Variants in UNC5A observed in about 807,000 individuals in gnomAD.
The protein encoded by UNC5A is netrin receptor UNC5A.
Under a neutral mutation model 87.4 loss-of-function variants are expected in UNC5A, and 20 were observed. That is an observed-to-expected ratio of 0.23 (90% CI 0.16 to 0.33). The LOEUF is 0.33. Ranked by LOEUF, UNC5A falls within the 10% of genes least tolerant of loss-of-function variation. UNC5A has a pLI of 1.00. For synonymous variants in UNC5A, 438 were observed against 482.3 expected (o/e 0.91, Z 1.20); for missense variants, 844 against 1,133.4 (o/e 0.74, Z 3.67).
At chr5:176,850,682 C>T (rs905052686) in intron 1 of UNC5A, among the ~76,000 whole-genome samples, 7 of 152,200 alleles carry the variant, frequency 4.6e-5, no homozygotes, top group African/African-American at 1.7e-4. Context: ...CTGGCCTCTG[C>T]TGTCGCCCTG....
rs945160498 is a variant in UNC5A, at chr5:176,838,276, C to A, written c.71-24348C>A. ...GGTATTTTAGGATTTTAGGAAGCCA[C>A]TCCCCTGCTAAAAAGCCTGTGATGG... is the stretch of plus-strand genomic sequence containing the variant. On this transcript the variant is annotated intron_variant, in intron 1 of 14. Coordinates refer to ENST00000329542, the MANE Select transcript of UNC5A (RefSeq NM_133369.3). This position sits in a 1 kb window ranked among gnomAD's most constrained non-coding sequence, Gnocchi z 4.2. Among the ~76,000 whole-genome samples, 5 of 152,210 alleles carry A rather than the reference C, an allele frequency of 3.3e-5. No individual in the cohort carries two copies. The highest frequency in any genetic ancestry group is 7.3e-5 in the Non-Finnish European group (5 of 68,044).
chr5:176,844,172 C>T lies in UNC5A; in HGVS notation c.71-18452C>T, dbSNP rs906207148. Among the ~76,000 whole-genome samples the T allele has an allele frequency of 6.6e-6, 1 of 152,162 alleles. No individual in the cohort carries two copies. The stretch of plus-strand genomic sequence containing the variant: ...ATAAAAGCTGTGACTAAACTCAGGT[C>T]CATGCTGATTGTAGCGTCTCAGGGG... On this transcript the variant is annotated intron_variant, in intron 1 of 14. Coordinates refer to ENST00000329542, the MANE Select transcript of UNC5A (RefSeq NM_133369.3). The surrounding 1 kb of genome is among the most constrained non-coding windows in gnomAD (Gnocchi z 4.2).
At position 176,873,951 on chromosome 5, in the gene UNC5A, C is replaced by T; in HGVS notation, c.887-17C>T. ...CCTACACCCCTGCCCCCACCAAGGC[C>T]ATGCTGTCTCCCGCAGCTGCTTCTG... On this transcript the variant is annotated splice_polypyrimidine_tract_variant and intron_variant, in intron 6 of 14. Transcript: ENST00000329542. 2 of 1,609,804 alleles carry T rather than the reference C, an allele frequency of 1.2e-6. No homozygotes were observed. Among genetic ancestry groups the T allele is most frequent in the East Asian group, 2.2e-5 (1 of 44,806 alleles).
rs777896574 is a variant in UNC5A, at chr5:176,878,354, C to T, written c.1980C>T (p.Pro660=). 7 of 1,613,554 alleles carry T rather than the reference C, an allele frequency of 4.3e-6. No individual in the cohort carries two copies. Among genetic ancestry groups the T allele is most frequent in the Non-Finnish European group, 5.9e-6 (7 of 1,180,038 alleles). The change falls in exon 12 of 15, where the codon CCC becomes CCT. Residue 660 remains proline (P), a synonymous_variant. Transcript: ENST00000329542. ...TGCGCCTATCCATCCACGATGTGCC[C>T]AGCTCCCTGTGGAAGAGTAAGCTCC... ...HNLRLSIHDV[P]SSLWKSKLLV...
Position 176,878,165 on chromosome 5 carries a change from G to A in UNC5A, c.1869+38G>A, listed in dbSNP as rs112876204. ...CCTCACCCCCCGCCGCTGGGAGGCC[G>A]AGCTATGCCTGGCCCTGTGGACTGC... is the stretch of plus-strand genomic sequence containing the variant. On this transcript the variant is annotated intron_variant, in intron 11 of 14. Coordinates refer to ENST00000329542, the MANE Select transcript of UNC5A (RefSeq NM_133369.3). 75 of 1,603,940 alleles carry A rather than the reference G, an allele frequency of 4.7e-5. 2 individuals carry two copies. The highest frequency in any genetic ancestry group is 2.7e-4 in the African/African-American group (20 of 74,998).
At chr5:176,863,146 C>T (rs1377925754) in intron 2 of UNC5A, among the ~76,000 whole-genome samples, 4 of 152,270 alleles carry the variant, frequency 2.6e-5, no homozygotes, top group African/African-American at 9.6e-5. Flanking sequence ...CCGCCACCCT[C>T]GGAGCCCAAG....
At chr5:176,855,145 C>G (rs1339778482) in intron 1 of UNC5A, among the ~76,000 whole-genome samples, 1 of 152,262 alleles carries the variant, frequency 6.6e-6, no homozygotes, top group African/African-American at 2.4e-5. Context: ...GAGCTGGCCT[C>G]TCCCTTGCAC....
intron 1 of UNC5A, among the ~76,000 whole-genome samples, chr5:176,846,250 G>C (rs942783205): frequency 1.3e-5 from 2 of 152,132 alleles, no homozygotes; most frequent in Admixed American, 1.3e-4. Context: ...AGCCCTGGAG[G>C]CTGAGCCAAA....
intron 1 of UNC5A, among the ~76,000 whole-genome samples, chr5:176,854,407 G>A (rs943934264): frequency 2.6e-5 from 4 of 152,132 alleles, no homozygotes; most frequent in African/African-American, 9.7e-5. Context: ...AACTCATGCC[G>A]CCATCTCAGG....
chr5:176,817,508 A>T (rs571610188), intron 1 of UNC5A, among the ~76,000 whole-genome samples: 37 of 152,220 alleles, frequency 2.4e-4, no homozygotes, highest in African/African-American at 8.9e-4. Context: ...GCAGGGACCC[A>T]GTGGAGCCGA....
intron 1 of UNC5A, among the ~76,000 whole-genome samples, chr5:176,846,918 A>G (rs1473713378): frequency 2.0e-5 from 3 of 152,144 alleles, no homozygotes; most frequent in African/African-American, 7.2e-5. Context: ...GCTGGAGCGC[A>G]TCTCAGCAGG....
chr5:176,814,398 C>T (rs1257153123), intron 1 of UNC5A, among the ~76,000 whole-genome samples: 4 of 152,320 alleles, frequency 2.6e-5, no homozygotes, highest in Non-Finnish European at 5.9e-5. Flanking sequence ...CAGGCAAGCT[C>T]CGGCTTCCAG....
Position 176,869,042 on chromosome 5 carries a change from AGAG to A in UNC5A, c.721+79_721+81del. 6.8e-7 allele frequency: 1 copy of A among 1,476,518 alleles called. No homozygotes were observed. Among genetic ancestry groups the A allele is most frequent in the Non-Finnish European group, 9.1e-7 (1 of 1,104,924 alleles). The allele number at this position is 1,476,518 out of a possible 1,614,324, so 91.5% of individuals were successfully genotyped here. A position where few individuals can be genotyped will look rare whatever the true frequency, so the allele number is the denominator to read the frequency against. On this transcript the variant is annotated intron_variant, in intron 5 of 14. Transcript: ENST00000329542. This position sits in a 1 kb window ranked among gnomAD's most constrained non-coding sequence, Gnocchi z 9.1. Reference sequence around the variant, plus strand: ...CAGTGACATGTGGCTGGTGGGGTGAAGAGAGGCCATGAGGCCAAAGCCAGGTGG... The same window carrying A: ...CAGTGACATGTGGCTGGTGGGGTGAAAGGCCATGAGGCCAAAGCCAGGTGG...
intron 2 of UNC5A, 55 bp downstream of exon 2, chr5:176,862,900 C>T (rs1356028520): frequency 2.5e-6 from 4 of 1,592,952 alleles, no homozygotes; most frequent in Non-Finnish European, 3.4e-6. Flanking sequence ...AGTTTCGGCC[C>T]CCCCAGAGGA....
chr5:176,854,329 G>A (rs1477273078), intron 1 of UNC5A, among the ~76,000 whole-genome samples: 2 of 152,168 alleles, frequency 1.3e-5, no homozygotes, highest in Non-Finnish European at 2.9e-5. Context: ...TGCGGAACGT[G>A]TCCCTGCTTA....
In UNC5A at chr5:176,869,135, G is replaced by T. The variant is rs1467845394; in HGVS notation, c.721+171G>T. ...CTCTGTGACTGCTGGGGGCCCAGGG[G>T]CATGTCTGGGCAAAGGAGTGGGACA... On this transcript the variant is annotated intron_variant, in intron 5 of 14. Coordinates refer to ENST00000329542, the MANE Select transcript of UNC5A (RefSeq NM_133369.3). The surrounding 1 kb of genome is among the most constrained non-coding windows in gnomAD (Gnocchi z 9.1). Among the ~76,000 whole-genome samples, 2 of 152,220 alleles carry T rather than the reference G, an allele frequency of 1.3e-5. No individual in the cohort carries two copies. Among genetic ancestry groups the T allele is most frequent in the Admixed American group, 1.3e-4 (2 of 15,286 alleles).
At chr5:176,867,386 G>A (rs533690798) in intron 2 of UNC5A, among the ~76,000 whole-genome samples, 1 of 152,286 alleles carries the variant, frequency 6.6e-6, no homozygotes, top group East Asian at 1.9e-4. Flanking sequence ...TAGTTAGGCA[G>A]AGCGGGTCCT....
chr5:176,868,280 C>G lies in UNC5A; in HGVS notation c.436+7C>G. 1 of 1,612,978 alleles carries G rather than the reference C, an allele frequency of 6.2e-7. No individual in the cohort carries two copies. Among genetic ancestry groups the G allele is most frequent in the Non-Finnish European group, 8.5e-7 (1 of 1,179,802 alleles). On this transcript the variant is annotated splice_region_variant and intron_variant, in intron 3 of 14. Coordinates refer to ENST00000329542, the MANE Select transcript of UNC5A (RefSeq NM_133369.3). ...GCCTACATCCGCATAGCCTGTGAGTCTAGGGCTGGGCCCTGGGGGAGGGCG... is the reference window on the plus strand; with the variant it reads ...GCCTACATCCGCATAGCCTGTGAGTGTAGGGCTGGGCCCTGGGGGAGGGCG...
At chr5:176,847,604 C>T (rs1757442697) in intron 1 of UNC5A, among the ~76,000 whole-genome samples, 1 of 152,270 alleles carries the variant, frequency 6.6e-6, no homozygotes, top group African/African-American at 2.4e-5. Flanking sequence ...CTCCCAATTA[C>T]CCGTTTAGCT....
Sources: allele counts gnomAD v4.1 joint callset (sites outside exome capture counted in the v4.1 genomes callset), GRCh38; gene constraint gnomAD v4.1.1; non-coding constraint Gnocchi (gnomAD v3.1); transcripts MANE v1.5; gene names NCBI Gene and HGNC (gene_info 2026-07-23, HGNC 2026-07-21).